FBXW4: variants seen among roughly 807,000 people sequenced by gnomAD.
FBXW4 encodes the protein F-box/WD repeat-containing protein 4.
A neutral mutation model predicts 61.8 loss-of-function variants in FBXW4; 40 were observed. The observed-to-expected ratio is 0.65, with a 90% CI of 0.50 to 0.84. The LOEUF is 0.84. Among genes scored for constraint, FBXW4 ranks in the 40% least tolerant of loss-of-function variants. The pLI, the probability that FBXW4 is intolerant of heterozygous loss-of-function variation, is 0.00. For missense variants in FBXW4, 672 were observed against 753.8 expected (o/e 0.89, Z 1.27); for synonymous variants, 311 against 313.8 (o/e 0.99, Z 0.10).
intron 5 of FBXW4, among the ~76,000 whole-genome samples, chr10:101,640,198 A>G (rs1426941061): frequency 6.6e-6 from 1 of 152,198 alleles, no homozygotes; most frequent in African/African-American, 2.4e-5. Context: ...GTTCTCTTAT[A>G]CCAATGCCTA....
At chr10:101,677,429 T>TCGTAG (rs1294515769) in intron 1 of FBXW4, among the ~76,000 whole-genome samples, 8 of 151,898 alleles carry the variant, frequency 5.3e-5, no homozygotes, top group Non-Finnish European at 1.5e-5. Context: ...ACAAAAGAAA[T>TCGTAG]CGTAGTGTAT....
At chr10:101,672,346 A>G (rs572439481) in intron 4 of FBXW4, among the ~76,000 whole-genome samples, 3 of 152,128 alleles carry the variant, frequency 2.0e-5, no homozygotes, top group Non-Finnish European at 4.4e-5. Flanking sequence ...GTGTCATGCT[A>G]TTTATCAGCC....
chr10:101,623,754 T>C (rs1015160521), intron 6 of FBXW4, among the ~76,000 whole-genome samples: 4 of 152,220 alleles, frequency 2.6e-5, no homozygotes, highest in African/African-American at 9.6e-5. Flanking sequence ...TAAAGAGGAA[T>C]GCACTATTGA....
At chr10:101,678,223 A>C (rs924380219) in intron 1 of FBXW4, among the ~76,000 whole-genome samples, 5 of 152,216 alleles carry the variant, frequency 3.3e-5, no homozygotes, top group African/African-American at 7.2e-5. Flanking sequence ...AAGAGCTCTA[A>C]GCCCCTTACA....
At position 101,610,672 on chromosome 10, in the gene FBXW4, C is replaced by CA. The variant is rs1373096982; in HGVS notation, c.*618dup. The CA allele has an allele frequency of 2.0e-5, 3 of 152,360 alleles. No homozygotes were observed. Among genetic ancestry groups the CA allele is most frequent in the Non-Finnish European group, 4.4e-5 (3 of 68,148 alleles). The allele number at this position is 152,360 out of a possible 1,614,324, so 9.4% of individuals were successfully genotyped here. A position where few individuals can be genotyped will look rare whatever the true frequency, so the allele number is the denominator to read the frequency against. On this transcript the variant is annotated 3_prime_UTR_variant, in exon 9 of 9. Coordinates refer to ENST00000331272, the MANE Select transcript of FBXW4 (RefSeq NM_022039.4). ...GCCAGTGAGGAACCAGATCTGTGAACAATCAAGCTTTATTTTTACAAAAAT... is the reference window on the plus strand; with the variant it reads ...GCCAGTGAGGAACCAGATCTGTGAACAAATCAAGCTTTATTTTTACAAAAAT...
rs1160203276 is a variant in FBXW4, at chr10:101,676,297, T to C, written c.821+44A>G. ...CCAGATTTTTTACTTTCCATTATGC[T>C]TTTATGTCCCAAGTAGCTTTTAAAA... On this transcript the variant is annotated intron_variant, in intron 2 of 8. Coordinates refer to ENST00000331272, the MANE Select transcript of FBXW4 (RefSeq NM_022039.4). 3 of 1,554,620 alleles carry C rather than the reference T, an allele frequency of 1.9e-6. No individual in the cohort carries two copies. The East Asian group carries it at 6.8e-5, about 35-fold the overall frequency.
At chr10:101,651,754 G>A (rs972627497) in intron 5 of FBXW4, among the ~76,000 whole-genome samples, 2 of 151,884 alleles carry the variant, frequency 1.3e-5, no homozygotes, top group Admixed American at 6.6e-5. Flanking sequence ...ATACTGACAG[G>A]GGCCTTTATG....
At chr10:101,670,057 G>T (rs1189865813) in intron 4 of FBXW4, among the ~76,000 whole-genome samples, 1 of 152,056 alleles carries the variant, frequency 6.6e-6, no homozygotes, top group Non-Finnish European at 1.5e-5. Flanking sequence ...GCCCGGCCGG[G>T]AGTGGACATT....
At chr10:101,617,599 AC>A (rs1249252510) in intron 6 of FBXW4, among the ~76,000 whole-genome samples, 2 of 152,262 alleles carry the variant, frequency 1.3e-5, no homozygotes, top group African/African-American at 4.8e-5. Context: ...CCCAGCACCC[AC>A]CCACGCACAT....
At chr10:101,634,201 C>G (rs1427011886) in intron 5 of FBXW4, among the ~76,000 whole-genome samples, 1 of 150,768 alleles carries the variant, frequency 6.6e-6, no homozygotes, top group East Asian at 1.9e-4. Context: ...ATAAATCTAA[C>G]AAAAAAAACA....
chr10:101,637,775 G>C (rs1341255251), intron 5 of FBXW4, among the ~76,000 whole-genome samples: 1 of 150,602 alleles, frequency 6.6e-6, no homozygotes, highest in Non-Finnish European at 1.5e-5. Context: ...TTAGAGATAA[G>C]GAAGATGAGG....
At position 101,672,995 on chromosome 10, in the gene FBXW4, A is replaced by G; in HGVS notation, c.1060T>C (p.Ser354Pro). Residue 354 changes from serine (S) to proline (P), a missense_variant, in exon 4 of 9, where the codon TCG becomes CCG. Around this residue, in one of 5 missense-constraint regions of FBXW4, gnomAD observed 312 missense variants for 370.1 expected, o/e 0.84. Coordinates refer to ENST00000331272, the MANE Select transcript of FBXW4 (RefSeq NM_022039.4). ...KIHSTFTVKY[S>P]AHEQEVNCVD... is the part of the protein sequence containing the mutation. The stretch of plus-strand genomic sequence containing the variant: ...CAGTTCACCTCCTGTTCATGAGCCG[A>G]GTACTTGACAGTGAAGGTGCTGTGA... 1.2e-6 allele frequency: 2 copies of G among 1,614,102 alleles called. No individual in the cohort carries two copies. Among genetic ancestry groups the G allele is most frequent in the Non-Finnish European group, 1.7e-6 (2 of 1,180,036 alleles).
intron 5 of FBXW4, among the ~76,000 whole-genome samples, chr10:101,656,827 C>G (rs6584439): frequency 0.97 from 147,716 of 152,246 alleles, 71,817 homozygotes; most frequent in East Asian, 1. Flanking sequence ...CTATAAGGTT[C>G]TCTCTTGTTA....
rs896697660 is a variant in FBXW4 at position 101,659,839 on chromosome 10, C to A, written c.1235+8047G>T. On this transcript the variant is annotated intron_variant, in intron 5 of 8. Transcript: ENST00000331272. The stretch of plus-strand genomic sequence containing the variant: ...ATACACTTTTTAGGACCAAAGGACC[C>A]TACTGTAATTACAAATTCTCAGATG... Among the ~76,000 whole-genome samples the A allele has an allele frequency of 7.8e-4, 118 of 152,180 alleles. 2 individuals are homozygous for A. The highest frequency in any genetic ancestry group is 2.1e-4 in the Non-Finnish European group (14 of 68,044).
intron 5 of FBXW4, among the ~76,000 whole-genome samples, chr10:101,631,892 G>T (rs2063961574): frequency 6.6e-6 from 1 of 152,182 alleles, no homozygotes; most frequent in Admixed American, 6.5e-5. Context: ...CTCCCAAAGT[G>T]CTGGGATTAT....
intron 5 of FBXW4, among the ~76,000 whole-genome samples, chr10:101,641,440 C>A (rs2064052308): frequency 6.6e-6 from 1 of 152,106 alleles, no homozygotes; most frequent in African/African-American, 2.4e-5. Context: ...TCCTTTGTTA[C>A]AACTTCTTTT....
At chr10:101,660,916 T>A (rs1009868103) in intron 5 of FBXW4, among the ~76,000 whole-genome samples, 2 of 152,210 alleles carry the variant, frequency 1.3e-5, no homozygotes, top group East Asian at 3.8e-4. Context: ...TGCTGTCTAG[T>A]TCACTGTTGT....
intron 5 of FBXW4, among the ~76,000 whole-genome samples, chr10:101,655,709 T>C (rs1480329864): frequency 2.6e-5 from 4 of 152,270 alleles, no homozygotes; most frequent in Non-Finnish European, 5.9e-5. Flanking sequence ...ACACCCTGCA[T>C]GAGTCGAGTC....
At chr10:101,628,372 G>T (rs11191069) in intron 5 of FBXW4, among the ~76,000 whole-genome samples, 23,427 of 152,196 alleles carry the variant, frequency 0.15, 2,310 homozygotes, top group Middle Eastern at 0.22. Context: ...CATCCTTCTA[G>T]TCCTTTCCAT....
Sources: allele counts gnomAD v4.1 joint callset (sites outside exome capture counted in the v4.1 genomes callset), GRCh38; gene constraint gnomAD v4.1.1; regional missense constraint gnomAD v4.1.1; transcripts MANE v1.5; gene names NCBI Gene and HGNC (gene_info 2026-07-23, HGNC 2026-07-21).